ADARB1: variants seen among roughly 807,000 people sequenced by gnomAD.
The protein encoded by ADARB1 is double-stranded RNA-specific editase 1.
A neutral mutation model predicts 52.4 loss-of-function variants in ADARB1; 10 were observed. The ratio of observed to expected loss-of-function variants is 0.19; its 90% CI spans 0.12 to 0.32. ADARB1 has a LOEUF of 0.32. Among genes scored for constraint, ADARB1 ranks in the 10% least tolerant of loss-of-function variants. The pLI, the probability that ADARB1 is intolerant of heterozygous loss-of-function variation, is 1.00. For synonymous variants in ADARB1, 349 were observed against 371.1 expected (o/e 0.94, Z 0.68); for missense variants, 643 against 922.3 (o/e 0.70, Z 3.92).
chr21:45,112,152 C>T (rs180981688), intron 1 of ADARB1, among the ~76,000 whole-genome samples: 1 of 152,334 alleles, frequency 6.6e-6, no homozygotes, highest in East Asian at 1.9e-4. Flanking sequence ...AAGTGCCCAG[C>T]TACAGCCTCT....
At chr21:45,211,782 G>T (rs914225364) in intron 9 of ADARB1, among the ~76,000 whole-genome samples, 2 of 152,148 alleles carry the variant, frequency 1.3e-5, no homozygotes, top group East Asian at 1.9e-4. Context: ...TTTCTGTACC[G>T]CGGCCTGGGA....
chr21:45,131,072 C>T (rs566924323), intron 2 of ADARB1, among the ~76,000 whole-genome samples: 2 of 152,192 alleles, frequency 1.3e-5, no homozygotes, highest in East Asian at 3.9e-4. Context: ...GAAGATATTA[C>T]CTTATATAAT....
chr21:45,131,097 G>A (rs778632058), intron 2 of ADARB1, among the ~76,000 whole-genome samples: 1 of 152,186 alleles, frequency 6.6e-6, no homozygotes, highest in Non-Finnish European at 1.5e-5. Flanking sequence ...GCCATATAAT[G>A]TTAAAAAGCA....
At chr21:45,193,644 T>G (rs2146281980) in intron 8 of ADARB1, among the ~76,000 whole-genome samples, 1 of 152,352 alleles carries the variant, frequency 6.6e-6, no homozygotes, top group Non-Finnish European at 1.5e-5. Flanking sequence ...GAGATGGATA[T>G]TATACAAAAC....
chr21:45,181,003 G>A (rs564680845), intron 5 of ADARB1, among the ~76,000 whole-genome samples: 1 of 152,326 alleles, frequency 6.6e-6, no homozygotes, highest in African/African-American at 2.4e-5. Context: ...GCATCTCTGT[G>A]GGTAGCTCCT....
At chr21:45,105,988 T>C (rs564800196) in intron 1 of ADARB1, among the ~76,000 whole-genome samples, 1 of 152,356 alleles carries the variant, frequency 6.6e-6, no homozygotes, top group South Asian at 2.1e-4. Context: ...AAAACAACTG[T>C]AAAGGAATAC....
At chr21:45,144,970 A>G (rs1447682412) in intron 2 of ADARB1, 1 of 179,704 alleles carries the variant, frequency 5.6e-6, no homozygotes, top group Non-Finnish European at 1.2e-5. Context: ...AAGGTAAAAT[A>G]TATGTAAATG....
At chr21:45,105,635 A>G (rs759938399) in intron 1 of ADARB1, among the ~76,000 whole-genome samples, 7 of 152,246 alleles carry the variant, frequency 4.6e-5, no homozygotes, top group Non-Finnish European at 1.0e-4. Flanking sequence ...CACTAAAGCT[A>G]AAAGCATTCT....
Position 45,172,204 on chromosome 21 carries a change from G to A in ADARB1, c.28+520G>A, listed in dbSNP as rs888898569. Among the ~76,000 whole-genome samples the A allele has an allele frequency of 3.3e-5, 5 of 152,120 alleles. No homozygotes were observed. Among genetic ancestry groups the A allele is most frequent in the Non-Finnish European group, 1.5e-5 (1 of 68,022 alleles). On this transcript the variant is annotated intron_variant, in intron 3 of 10. Transcript: ENST00000348831. The surrounding 1 kb of genome is among the most constrained non-coding windows in gnomAD (Gnocchi z 4.4). Reference sequence around the variant, plus strand: ...GGACTGGTGTGGGCCTCCTCCTTCCGTGCTGTTCTCTCTGGTGCCGGGGTG... The same window carrying A: ...GGACTGGTGTGGGCCTCCTCCTTCCATGCTGTTCTCTCTGGTGCCGGGGTG...
chr21:45,202,547 CAG>C (rs1178782182), intron 8 of ADARB1, among the ~76,000 whole-genome samples: 4 of 152,140 alleles, frequency 2.6e-5, no homozygotes, highest in African/African-American at 4.8e-5. Context: ...GAGTGAGTGA[CAG>C]AGGGGGGATA....
intron 1 of ADARB1, among the ~76,000 whole-genome samples, chr21:45,118,067 C>T (rs1481562009): frequency 6.6e-6 from 1 of 152,188 alleles, no homozygotes; most frequent in African/African-American, 2.4e-5. Flanking sequence ...GTAGTCTAAA[C>T]ATTTTAATAT....
rs947250903 is a variant in ADARB1 at position 45,178,051 on chromosome 21, T to G, written c.963+1387T>G. Reference sequence around the variant, plus strand: ...AATATTAAAGCCTGAGTTCAAAATATTGTCTGATGTGACTTGTCTTCCCTT... The same window carrying G: ...AATATTAAAGCCTGAGTTCAAAATAGTGTCTGATGTGACTTGTCTTCCCTT... On this transcript the variant is annotated intron_variant, in intron 4 of 10. Coordinates refer to ENST00000348831, the MANE Select transcript of ADARB1 (RefSeq NM_001112.4). 1.3e-5 allele frequency among the ~76,000 whole-genome samples: 2 copies of G among 152,330 alleles called. 1 individual carries two copies. The highest frequency in any genetic ancestry group is 3.9e-4 in the East Asian group (2 of 5,188).
chr21:45,222,525 AG>A lies in ADARB1; in HGVS notation c.*329del, dbSNP rs1003504237. On this transcript the variant is annotated 3_prime_UTR_variant, in exon 11 of 11. Transcript: ENST00000348831. ...AGTTCTACTGAGTAGGGCTTCCTTA[AG>A]TTTAGGAAAATAGAAATTACTTTGT... The A allele has an allele frequency of 8.9e-7, 1 of 1,118,182 alleles. No individual in the cohort carries two copies. Among genetic ancestry groups the A allele is most frequent in the Admixed American group, 4.7e-5 (1 of 21,078 alleles). The allele number at this position is 1,118,182 out of a possible 1,614,324, so 69.3% of individuals were successfully genotyped here.
chr21:45,178,181 G>A lies in ADARB1; in HGVS notation c.963+1517G>A, dbSNP rs78158008. On this transcript the variant is annotated intron_variant, in intron 4 of 10. Transcript: ENST00000348831. The stretch of plus-strand genomic sequence containing the variant: ...TAGGCTAGGAGCACCTTAGGCGGAC[G>A]CAGATCGAAGTGCCAGTAGAGATGT... Among the ~76,000 whole-genome samples the A allele has an allele frequency of 1.4e-3, 214 of 152,306 alleles. 1 individual carries two copies. The highest frequency in any genetic ancestry group is 7.7e-3 in the East Asian group (40 of 5,182).
At chr21:45,193,911 A>G (rs1367162725) in intron 8 of ADARB1, among the ~76,000 whole-genome samples, 4 of 152,218 alleles carry the variant, frequency 2.6e-5, no homozygotes, top group Non-Finnish European at 5.9e-5. Flanking sequence ...CACCAGATTG[A>G]TCTATAGACT....
At chr21:45,127,495 A>G (rs2088662227) in intron 1 of ADARB1, among the ~76,000 whole-genome samples, 1 of 152,158 alleles carries the variant, frequency 6.6e-6, no homozygotes, top group African/African-American at 2.4e-5. Context: ...AGACGAGCTG[A>G]CGTGTGTTGT....
chr21:45,150,155 C>T (rs957175681), intron 2 of ADARB1, among the ~76,000 whole-genome samples: 2 of 152,092 alleles, frequency 1.3e-5, no homozygotes, highest in Non-Finnish European at 1.5e-5. Context: ...GACGTGGTGG[C>T]GCACGCTACT....
chr21:45,198,021 T>C (rs183445886), intron 8 of ADARB1, among the ~76,000 whole-genome samples: 5 of 152,214 alleles, frequency 3.3e-5, no homozygotes, highest in Admixed American at 3.3e-4. Flanking sequence ...GTTTATTGTA[T>C]GTCAGTTGTA....
In ADARB1 at chr21:45,176,475, C is replaced by T. The variant is rs1288535757; in HGVS notation, c.774C>T (p.Ser258=). The T allele has an allele frequency of 3.7e-6, 6 of 1,614,130 alleles. No homozygotes were observed. The highest frequency in any genetic ancestry group is 1.6e-4 in the Middle Eastern group (1 of 6,062). The change falls in exon 4 of 11, where the codon AGC becomes AGT. Residue 258 remains serine, a synonymous_variant. Transcript: ENST00000348831. The surrounding 1 kb of genome is among the most constrained non-coding windows in gnomAD (Gnocchi z 5.8). ...ACTTCCTCTCCGAGAGCGGGGAGAG[C>T]CATGCCAAGAGCTTCGTCATGTCTG... ...KYDFLSESGE[S]HAKSFVMSVV...
Sources: gnomAD v4.1 joint callset for allele counts (sites outside exome capture counted in the v4.1 genomes callset) on GRCh38, gnomAD v4.1.1 for gene constraint, Gnocchi (gnomAD v3.1) non-coding constraint, MANE v1.5 for transcripts, NCBI Gene and HGNC (gene_info 2026-07-23, HGNC 2026-07-21) for gene names.